The following MTX2 variants were observed in gnomAD, a reference collection of about 807,000 sequenced individuals.
The protein encoded by MTX2 is metaxin 2, also known as metaxin-2.
In MTX2, 35 loss-of-function variants were observed where a neutral mutation model predicts 42.3. That is an observed-to-expected ratio of 0.83 (90% CI 0.63 to 1.10). The LOEUF (loss-of-function observed/expected upper bound fraction) is 1.10, where lower values mean the gene tolerates loss of function less well. MTX2 is among the 50% of genes least tolerant of loss of function. The pLI is 0.00. For synonymous variants in MTX2, 119 were observed against 100.9 expected, an observed-to-expected ratio of 1.18 and a Z score of -1.08; for missense variants, 307 against 304.1, an observed-to-expected ratio of 1.01 and a Z score of -0.07.
chr2:176,299,661 A>G (rs989404013), intron 3 of MTX2, among the ~76,000 whole-genome samples: 1 of 152,104 alleles, frequency 6.6e-6, no homozygotes, highest in Non-Finnish European at 1.5e-5. Context: ...ATGACTATAA[A>G]TGTGACTTTT....
chr2:176,313,399 T>C (rs1050571390), intron 3 of MTX2, among the ~76,000 whole-genome samples: 5 of 147,124 alleles, frequency 3.4e-5, no homozygotes, highest in Non-Finnish European at 4.5e-5. Context: ...TTTTTTTTTT[T>C]TTTTTTTTTT....
At chr2:176,288,437 C>T (rs921556444) in intron 1 of MTX2, among the ~76,000 whole-genome samples, 5 of 151,754 alleles carry the variant, frequency 3.3e-5, no homozygotes, top group African/African-American at 7.3e-5. Context: ...TAAGAGCTGC[C>T]GAATGCTCTT....
Position 176,269,469 on chromosome 2 carries a change from T to TC in MTX2, c.-161_-160insC, listed in dbSNP as rs1248865305. The TC allele has an allele frequency of 1.3e-6, 1 of 741,988 alleles. No individual in the cohort carries two copies. Among genetic ancestry groups the TC allele is most frequent in the African/African-American group, 1.9e-5 (1 of 53,452 alleles). The allele number at this position is 741,988 out of a possible 1,614,324, so 46.0% of individuals were successfully genotyped here. A position where few individuals can be genotyped will look rare whatever the true frequency, so the allele number is the denominator to read the frequency against. The stretch of plus-strand genomic sequence containing the variant: ...CCCTAGCCAGGCCTGGCGGTAACCT[T>TC]GGGGGCCTCACTGCAGCCGCCGCTG... On this transcript the variant is annotated 5_prime_UTR_variant, in exon 1 of 10. Transcript: ENST00000249442.
At chr2:176,271,425 T>C (rs1692803353) in intron 1 of MTX2, among the ~76,000 whole-genome samples, 1 of 152,116 alleles carries the variant, frequency 6.6e-6, no homozygotes, top group Non-Finnish European at 1.5e-5. Flanking sequence ...ATTTTAAAAC[T>C]TTGATAAAAG....
At chr2:176,287,190 G>T (rs1179853616) in intron 1 of MTX2, among the ~76,000 whole-genome samples, 1 of 152,052 alleles carries the variant, frequency 6.6e-6, no homozygotes, top group African/African-American at 2.4e-5. Context: ...GCAGTTACTT[G>T]GTTTTCTTTA....
intron 4 of MTX2, among the ~76,000 whole-genome samples, chr2:176,326,300 C>G (rs1166403103): frequency 2.0e-5 from 3 of 151,618 alleles, no homozygotes; most frequent in East Asian, 3.9e-4. Context: ...TTAATTCTTG[C>G]TATTTTGAGT....
chr2:176,332,265 A>G lies in MTX2; in HGVS notation c.620+1605A>G, dbSNP rs187621856. On this transcript the variant is annotated intron_variant, in intron 9 of 9. Coordinates refer to ENST00000249442, the MANE Select transcript of MTX2 (RefSeq NM_006554.5). ...TAATACTAAAATGCAAATAAAGTAC[A>G]TTTAGAAAAAAGTAACTGGTATTTC... is the stretch of plus-strand genomic sequence containing the variant. Among the ~76,000 whole-genome samples, 105 of 151,504 alleles carry G rather than the reference A, an allele frequency of 6.9e-4. 2 individuals are homozygous for G. Among genetic ancestry groups the G allele is most frequent in the African/African-American group, 2.0e-3 (84 of 41,494 alleles).
chr2:176,320,477 T>G (rs1374285801), intron 3 of MTX2, among the ~76,000 whole-genome samples: 4 of 152,138 alleles, frequency 2.6e-5, no homozygotes, highest in Admixed American at 2.0e-4. Context: ...TTTGTTCTAC[T>G]GAAGGCCTCA....
In MTX2 at chr2:176,275,665, G is replaced by GT. The variant is rs567802124; in HGVS notation, c.40+6003dup. 3.1e-3 allele frequency among the ~76,000 whole-genome samples: 477 copies of GT among 152,006 alleles called. 2 individuals carry two copies. Among genetic ancestry groups the GT allele is most frequent in the South Asian group, 0.011 (51 of 4,816 alleles). On this transcript the variant is annotated intron_variant, in intron 1 of 9. Coordinates refer to ENST00000249442, the MANE Select transcript of MTX2 (RefSeq NM_006554.5). The stretch of plus-strand genomic sequence containing the variant: ...TTTTTCAATACATTACTCACATTTT[G>GT]TTTTTTTAATTTTGTTCTTCCAGTC...
At chr2:176,295,193 T>C (rs1683831556) in intron 1 of MTX2, among the ~76,000 whole-genome samples, 1 of 152,196 alleles carries the variant, frequency 6.6e-6, no homozygotes, top group South Asian at 2.1e-4. Context: ...TGAAATTTTG[T>C]GAATTTTATT....
At chr2:176,316,086 T>G (rs755601602) in intron 3 of MTX2, among the ~76,000 whole-genome samples, 3 of 152,166 alleles carry the variant, frequency 2.0e-5, no homozygotes, top group Non-Finnish European at 4.4e-5. Flanking sequence ...ACATAGTGGG[T>G]GCTCAGTATA....
intron 3 of MTX2, among the ~76,000 whole-genome samples, chr2:176,317,137 A>G (rs1684466147): frequency 6.6e-6 from 1 of 151,556 alleles, no homozygotes. Context: ...TTACATTTTC[A>G]TATGTTCATT....
chr2:176,292,116 T>TC (rs1280722972), intron 1 of MTX2, among the ~76,000 whole-genome samples: 1 of 152,196 alleles, frequency 6.6e-6, no homozygotes, highest in Non-Finnish European at 1.5e-5. Context: ...TTCCTCAGCC[T>TC]CCATTTCTTA....
intron 1 of MTX2, among the ~76,000 whole-genome samples, chr2:176,279,496 A>G (rs900984525): frequency 1.3e-5 from 2 of 152,130 alleles, no homozygotes; most frequent in East Asian, 3.8e-4. Flanking sequence ...ATTATGAATT[A>G]TAAGTAATGT....
Position 176,328,381 on chromosome 2 carries a change from C to A in MTX2, c.374C>A (p.Ala125Glu). 6.5e-7 allele frequency: 1 copy of A among 1,549,180 alleles called. No individual in the cohort carries two copies. Among genetic ancestry groups the A allele is most frequent in the South Asian group, 1.2e-5 (1 of 80,130 alleles). ...MELVNNMLLT[A>E]ELYLQWCDEA... ...TTAGTCAACAATATGCTGTTGACTGCAGAGGTAAAATACTAGATGATACGG... is the reference window on the plus strand; with the variant it reads ...TTAGTCAACAATATGCTGTTGACTGAAGAGGTAAAATACTAGATGATACGG... Residue 125 changes from alanine to glutamate, a missense_variant, in exon 6 of 10, where the codon GCA becomes GAA. Ala to Glu is a moderately radical substitution (Grantham distance 107). Coordinates refer to ENST00000249442, the MANE Select transcript of MTX2 (RefSeq NM_006554.5).
chr2:176,309,269 A>T (rs1684232769), intron 3 of MTX2, among the ~76,000 whole-genome samples: 1 of 152,154 alleles, frequency 6.6e-6, no homozygotes, highest in South Asian at 2.1e-4. Flanking sequence ...GTTTGTTGTG[A>T]TTTCAGTTCT....
intron 1 of MTX2, among the ~76,000 whole-genome samples, chr2:176,288,873 A>G (rs1693265989): frequency 6.6e-6 from 1 of 151,968 alleles, no homozygotes; most frequent in Non-Finnish European, 1.5e-5. Flanking sequence ...TAATCCTCTT[A>G]TATTAGATCA....
At chr2:176,288,078 T>C (rs1011756306) in intron 1 of MTX2, among the ~76,000 whole-genome samples, 1 of 152,108 alleles carries the variant, frequency 6.6e-6, no homozygotes, top group Non-Finnish European at 1.5e-5. Context: ...ATCGTATCAT[T>C]AAACATTCCC....
chr2:176,305,373 C>T (rs1159128305), intron 3 of MTX2, among the ~76,000 whole-genome samples: 2 of 151,926 alleles, frequency 1.3e-5, no homozygotes, highest in Admixed American at 6.6e-5. Context: ...TATATTTTTT[C>T]GTTTTCTCCC....
Sources: allele counts gnomAD v4.1 joint callset (sites outside exome capture counted in the v4.1 genomes callset), GRCh38; gene constraint gnomAD v4.1.1; transcripts MANE v1.5; gene names NCBI Gene and HGNC (gene_info 2026-07-23, HGNC 2026-07-21).